DLGAP2: variants seen among roughly 807,000 people sequenced by gnomAD.
DLGAP2 encodes disks large-associated protein 2.
A neutral mutation model predicts 100.3 loss-of-function variants in DLGAP2; 26 were observed. That is an observed-to-expected ratio of 0.26 (90% CI 0.19 to 0.36). The LOEUF (loss-of-function observed/expected upper bound fraction) is 0.36, where lower values mean the gene tolerates loss of function less well. DLGAP2 is among the 10% of genes least tolerant of loss of function. The pLI is 1.00. For synonymous variants in DLGAP2, 886 were observed against 630.1 expected (o/e 1.41, Z -6.08); for missense variants, 1,858 against 1,453.2 (o/e 1.28, Z -4.53).
chr8:1,448,080 A>G (rs1158826952), intron 3 of DLGAP2, among the ~76,000 whole-genome samples: 3 of 151,676 alleles, frequency 2.0e-5, no homozygotes, highest in Non-Finnish European at 4.4e-5. Context: ...TTGTGTCTCT[A>G]TTTCCTTCAG....
intron 3 of DLGAP2, among the ~76,000 whole-genome samples, chr8:1,410,542 C>T (rs552692806): frequency 8.5e-5 from 13 of 152,328 alleles, no homozygotes; most frequent in East Asian, 1.9e-4. Flanking sequence ...ACTGCATTTC[C>T]GCACAGGTCG....
intron 2 of DLGAP2, among the ~76,000 whole-genome samples, chr8:1,196,613 C>T (rs959610553): frequency 7.2e-5 from 11 of 152,202 alleles, no homozygotes; most frequent in Admixed American, 7.2e-4. Context: ...GCAGAGGCAT[C>T]TGCAGGTCGA....
chr8:1,174,033 G>A (rs185592770), intron 2 of DLGAP2, among the ~76,000 whole-genome samples: 139 of 152,196 alleles, frequency 9.1e-4, no homozygotes, highest in African/African-American at 1.5e-3. Context: ...TCCTCCGCTC[G>A]ATCCCATTGT....
intron 8 of DLGAP2, among the ~76,000 whole-genome samples, chr8:1,651,600 C>CACTCCTGCCGG (rs1224140233): frequency 1.3e-5 from 2 of 152,184 alleles, no homozygotes; most frequent in Admixed American, 1.3e-4. Flanking sequence ...ATGACCACCC[C>CACTCCTGCCGG]ACTCCTGCCG....
At chr8:1,652,870 C>T (rs925781094) in intron 8 of DLGAP2, among the ~76,000 whole-genome samples, 17 of 152,160 alleles carry the variant, frequency 1.1e-4, no homozygotes, top group African/African-American at 4.1e-4. Flanking sequence ...GTCTATGTAT[C>T]ATCCCATCAG....
chr8:1,478,683 C>G (rs374608097), intron 3 of DLGAP2, among the ~76,000 whole-genome samples: 34 of 152,202 alleles, frequency 2.2e-4, no homozygotes, highest in Admixed American at 5.9e-4. Flanking sequence ...GGGCAATGGT[C>G]AAACCAATGG....
intron 2 of DLGAP2, among the ~76,000 whole-genome samples, chr8:1,208,383 A>G (rs2116778780): frequency 6.6e-6 from 1 of 152,278 alleles, no homozygotes; most frequent in South Asian, 2.1e-4. Context: ...AAATCACATG[A>G]TCATCTCAAC....
intron 3 of DLGAP2, among the ~76,000 whole-genome samples, chr8:1,388,968 T>C (rs1585326093): frequency 8.4e-6 from 1 of 119,274 alleles, no homozygotes; most frequent in Non-Finnish European, 1.7e-5. Context: ...GCAGAGGCCG[T>C]GGATGAGGAG....
chr8:1,335,098 G>C lies in DLGAP2; in HGVS notation c.106+76215G>C, dbSNP rs148920531. On this transcript the variant is annotated intron_variant, in intron 3 of 14. Transcript: ENST00000637795. ...CTAGGAACCATGGTCTGACGTTTCT[G>C]CAGAAGGGAACTCCTCATCCAAGAC... Among the ~76,000 whole-genome samples the C allele has an allele frequency of 2.7e-3, 408 of 152,326 alleles. 4 individuals carry two copies. In the East Asian group the frequency reaches 0.033, roughly 12 times the overall value.
rs1797351113 is a variant in DLGAP2 at position 859,605 on chromosome 8, C to G, written c.19-48307C>G. Among the ~76,000 whole-genome samples the G allele has an allele frequency of 2.6e-5, 4 of 152,162 alleles. No individual in the cohort carries two copies. In the South Asian group the frequency reaches 6.2e-4, roughly 24 times the overall value. ...AAACCTGCTGGGGGAGGCTGGCTAG[C>G]TGGACGTTAGAGTCTGGGGATGAAG... On this transcript the variant is annotated intron_variant, in intron 1 of 14. Transcript: ENST00000637795.
intron 3 of DLGAP2, among the ~76,000 whole-genome samples, chr8:1,494,494 G>A (rs1321828693): frequency 6.6e-6 from 1 of 152,312 alleles, no homozygotes; most frequent in East Asian, 1.9e-4. Flanking sequence ...ACTTTGGGAG[G>A]CCAAGGTGGG....
At chr8:1,593,571 C>T (rs754101211) in intron 6 of DLGAP2, among the ~76,000 whole-genome samples, 1 of 152,170 alleles carries the variant, frequency 6.6e-6, no homozygotes, top group African/African-American at 2.4e-5. Flanking sequence ...TCGGGAGATT[C>T]TCTCAAGAAT....
intron 3 of DLGAP2, among the ~76,000 whole-genome samples, chr8:1,486,137 C>T (rs61224192): frequency 0.021 from 3,163 of 152,314 alleles, 117 homozygotes; most frequent in African/African-American, 0.074. Context: ...TTTCTCACCT[C>T]ATCTTCAGAA....
At chr8:1,529,639 T>C (rs567710624) in intron 4 of DLGAP2, among the ~76,000 whole-genome samples, 56 of 152,238 alleles carry the variant, frequency 3.7e-4, no homozygotes, top group African/African-American at 1.3e-3. Context: ...GCTGATATGG[T>C]GAACATTAAA....
At chr8:911,001 G>A (rs192069575) in intron 2 of DLGAP2, among the ~76,000 whole-genome samples, 41 of 152,042 alleles carry the variant, frequency 2.7e-4, no homozygotes, top group African/African-American at 5.8e-4. Flanking sequence ...AGTCCCAGAC[G>A]CCTGCCCATT....
At chr8:1,502,822 C>G (rs1242433361) in intron 4 of DLGAP2, among the ~76,000 whole-genome samples, 2 of 152,186 alleles carry the variant, frequency 1.3e-5, no homozygotes, top group Admixed American at 6.5e-5. Flanking sequence ...TGTGTCTATT[C>G]CAGTTCTTCT....
chr8:1,321,425 G>C (rs1012078150), intron 3 of DLGAP2, among the ~76,000 whole-genome samples: 3 of 152,134 alleles, frequency 2.0e-5, no homozygotes, highest in Non-Finnish European at 4.4e-5. Context: ...GTGTCTGTGT[G>C]TGCTTGCATC....
intron 3 of DLGAP2, among the ~76,000 whole-genome samples, chr8:1,296,372 C>T (rs1027066561): frequency 4.6e-5 from 7 of 152,222 alleles, no homozygotes; most frequent in Non-Finnish European, 8.8e-5. Flanking sequence ...CTCCCTGGCA[C>T]GCTGGCTGCA....
At chr8:1,126,626 G>A (rs947271290) in intron 2 of DLGAP2, among the ~76,000 whole-genome samples, 4 of 152,114 alleles carry the variant, frequency 2.6e-5, no homozygotes, top group Non-Finnish European at 4.4e-5. Context: ...GTAGGGTCTC[G>A]GGGTGATCAG....
Sources: gnomAD v4.1 joint callset for allele counts (sites outside exome capture counted in the v4.1 genomes callset) on GRCh38, gnomAD v4.1.1 for gene constraint, MANE v1.5 for transcripts, NCBI Gene and HGNC (gene_info 2026-07-23, HGNC 2026-07-21) for gene names.